The following PHKB variants were observed in gnomAD, a reference collection of about 807,000 sequenced individuals.
PHKB encodes the protein phosphorylase kinase regulatory subunit beta.
Under a neutral mutation model 152.1 loss-of-function variants are expected in PHKB, and 122 were observed. The observed-to-expected ratio is 0.80, with a 90% confidence interval of 0.69 to 0.93. The LOEUF (loss-of-function observed/expected upper bound fraction) is 0.93. Ranked by LOEUF, PHKB falls within the 40% of genes least tolerant of loss-of-function variation. The probability of loss-of-function intolerance (pLI) is 0.00; values close to 1 mark genes in which losing one functional copy is unlikely to be tolerated. For missense variants in PHKB, 1,304 were observed against 1,328.4 expected (o/e 0.98, Z 0.29); for synonymous variants, 436 against 464.9 (o/e 0.94, Z 0.80).
In PHKB at chr16:47,700,620, A is replaced by C. The variant is rs1261231252; in HGVS notation, c.*1254A>C. ...GCCCAGTTTACTTAAACTTTAATGA[A>C]AGTAGAAAGTAGATTAAACATTTAA... On this transcript the variant is annotated 3_prime_UTR_variant, in exon 31 of 31. Coordinates refer to ENST00000323584, the MANE Select transcript of PHKB (RefSeq NM_000293.3). 2 of 152,122 alleles carry C rather than the reference A, an allele frequency of 1.3e-5. No homozygotes were observed. Among genetic ancestry groups the C allele is most frequent in the Non-Finnish European group, 2.9e-5 (2 of 68,004 alleles). The allele number at this position is 152,122 out of a possible 1,614,324, so 9.4% of individuals were successfully genotyped here.
chr16:47,576,389 C>A (rs1413458364), intron 7 of PHKB, among the ~76,000 whole-genome samples: 1 of 152,114 alleles, frequency 6.6e-6, no homozygotes, highest in African/African-American at 2.4e-5. Flanking sequence ...GGCCTTGTTT[C>A]CCTGGAGTAA....
At chr16:47,594,545 C>T (rs1289966120) in intron 12 of PHKB, among the ~76,000 whole-genome samples, 2 of 152,258 alleles carry the variant, frequency 1.3e-5, no homozygotes, top group African/African-American at 2.4e-5. Flanking sequence ...GCCCCTCCTG[C>T]GGAGGGCTAC....
At chr16:47,511,383 T>C (rs1374601264) in intron 4 of PHKB, among the ~76,000 whole-genome samples, 2 of 152,182 alleles carry the variant, frequency 1.3e-5, no homozygotes, top group African/African-American at 4.8e-5. Flanking sequence ...CAAAATAAGA[T>C]GCAAAACATT....
intron 10 of PHKB, among the ~76,000 whole-genome samples, chr16:47,593,215 AAGAAAGAG>A (rs1196855483): frequency 7.6e-6 from 1 of 131,334 alleles, no homozygotes; most frequent in Non-Finnish European, 1.7e-5. Context: ...GGGAGAAAGA[AAGAAAGAG>A]GGAAGGAGGG....
At chr16:47,578,804 C>T (rs933938708) in intron 7 of PHKB, among the ~76,000 whole-genome samples, 1 of 152,062 alleles carries the variant, frequency 6.6e-6, no homozygotes, top group South Asian at 2.1e-4. Context: ...GTAGAAGTCT[C>T]GGTTTCTACT....
chr16:47,591,165 A>G (rs1219664588), intron 10 of PHKB, among the ~76,000 whole-genome samples: 1 of 151,858 alleles, frequency 6.6e-6, no homozygotes, highest in East Asian at 1.9e-4. Flanking sequence ...TGTTTCCCCA[A>G]CTTAAATTAG....
At chr16:47,524,847 G>A (rs1041242497) in intron 6 of PHKB, among the ~76,000 whole-genome samples, 8 of 151,986 alleles carry the variant, frequency 5.3e-5, no homozygotes, top group Admixed American at 2.6e-4. Context: ...TGCCTGACTG[G>A]GAAGTCTTAA....
intron 12 of PHKB, among the ~76,000 whole-genome samples, chr16:47,595,130 G>T (rs1021232115): frequency 1.3e-5 from 2 of 152,102 alleles, no homozygotes; most frequent in African/African-American, 4.8e-5. Flanking sequence ...ATTTTGTAAT[G>T]CATGTAATAT....
In PHKB at chr16:47,499,883, T is replaced by A; in HGVS notation, c.294T>A (p.Ala98=). 6.2e-7 allele frequency: 1 copy of A among 1,614,134 alleles called. No individual in the cohort carries two copies. Among genetic ancestry groups the A allele is most frequent in the East Asian group, 2.2e-5 (1 of 44,878 alleles). Residue 98 remains alanine (A), a synonymous_variant, in exon 3 of 31, where the codon GCT becomes GCA. Transcript: ENST00000323584. The stretch of plus-strand genomic sequence containing the variant: ...GCGCTGCTGGGGCCTGGGCTTTGGC[T>A]CTTGCATACAGGTGAGCTGGTGTGT... ...LYCAAGAWAL[A]LAYRRIDDDK...
At chr16:47,686,500 C>T (rs1973967561) in intron 26 of PHKB, among the ~76,000 whole-genome samples, 1 of 152,100 alleles carries the variant, frequency 6.6e-6, no homozygotes, top group Admixed American at 6.5e-5. Context: ...TTTTTATAGA[C>T]ATTATTTGTT....
chr16:47,488,319 G>A (rs1377244398), intron 1 of PHKB, among the ~76,000 whole-genome samples: 6 of 151,790 alleles, frequency 4.0e-5, no homozygotes, highest in Admixed American at 2.6e-4. Flanking sequence ...TGTTTAAATT[G>A]CTTACAGATT....
chr16:47,545,012 A>C (rs567787500), intron 6 of PHKB, among the ~76,000 whole-genome samples: 1 of 152,258 alleles, frequency 6.6e-6, no homozygotes, highest in East Asian at 1.9e-4. Context: ...GGGTCTCCTG[A>C]GTACAGCATA....
chr16:47,488,886 C>G (rs1970096438), intron 1 of PHKB, among the ~76,000 whole-genome samples: 1 of 152,076 alleles, frequency 6.6e-6, no homozygotes, highest in Non-Finnish European at 1.5e-5. Context: ...AGTGTGATGC[C>G]TCCAGCTTTG....
At chr16:47,639,752 TTTTA>T (rs1327614152) in intron 14 of PHKB, among the ~76,000 whole-genome samples, 5 of 152,226 alleles carry the variant, frequency 3.3e-5, no homozygotes, top group African/African-American at 1.2e-4. Context: ...TTCATTTGCT[TTTTA>T]TTTAAGAATC....
At chr16:47,632,897 T>C (rs1597138195) in intron 14 of PHKB, among the ~76,000 whole-genome samples, 2 of 152,178 alleles carry the variant, frequency 1.3e-5, no homozygotes, top group East Asian at 3.9e-4. Context: ...ACATGCAGTG[T>C]CTTAATTACC....
intron 4 of PHKB, among the ~76,000 whole-genome samples, chr16:47,506,537 A>C (rs1970422998): frequency 6.6e-6 from 1 of 152,188 alleles, no homozygotes; most frequent in Non-Finnish European, 1.5e-5. Flanking sequence ...CCTAAGTGTG[A>C]GATGTTATTG....
chr16:47,594,648 T>C (rs1972087420), intron 12 of PHKB, among the ~76,000 whole-genome samples: 1 of 152,172 alleles, frequency 6.6e-6, no homozygotes, highest in Non-Finnish European at 1.5e-5. Context: ...CTTAGCATTG[T>C]ATTTTGAACA....
At chr16:47,598,964 A>G (rs1972171709) in intron 13 of PHKB, 4 of 1,348,034 alleles carry the variant, frequency 3.0e-6, no homozygotes, top group East Asian at 2.3e-5. Flanking sequence ...CACACAGCCA[A>G]TCCCACAAGG....
At chr16:47,618,420 T>G (rs1019298574) in intron 14 of PHKB, among the ~76,000 whole-genome samples, 8 of 152,174 alleles carry the variant, frequency 5.3e-5, no homozygotes, top group African/African-American at 1.9e-4. Context: ...GAGTCTTTCC[T>G]CGTTATTTCT....
Sources: gnomAD v4.1 joint callset for allele counts (sites outside exome capture counted in the v4.1 genomes callset) on GRCh38, gnomAD v4.1.1 for gene constraint, MANE v1.5 for transcripts, NCBI Gene and HGNC (gene_info 2026-07-23, HGNC 2026-07-21) for gene names.